Variants in DLC1 observed in about 807,000 individuals in gnomAD.
DLC1 encodes the protein rho GTPase-activating protein 7.
Under a neutral mutation model 140.3 loss-of-function variants are expected in DLC1, and 54 were observed. That is an observed-to-expected ratio of 0.38 (90% CI 0.31 to 0.48). The LOEUF is 0.48. DLC1 is among the 20% of genes least tolerant of loss of function. The probability of loss-of-function intolerance (pLI) is 0.96; values close to 1 mark genes in which losing one functional copy is unlikely to be tolerated. For synonymous variants in DLC1, 986 were observed against 728.1 expected (o/e 1.35, Z -5.70); for missense variants, 2,536 against 1,907.0 (o/e 1.33, Z -6.14).
intron 4 of DLC1, among the ~76,000 whole-genome samples, chr8:13,382,529 A>AAGAGAG (rs59311489): frequency 9.1e-6 from 1 of 109,432 alleles, no homozygotes; most frequent in Non-Finnish European, 1.8e-5. Context: ...AAAAAAAAAA[A>AAGAGAG]AAAGAAAGAG....
intron 2 of DLC1, among the ~76,000 whole-genome samples, chr8:13,414,181 G>C (rs1837939669): frequency 6.6e-6 from 1 of 151,962 alleles, no homozygotes; most frequent in South Asian, 2.1e-4. Flanking sequence ...GAATTATGAG[G>C]AATTAAAAAT....
At chr8:13,176,745 C>A (rs1390490533) in intron 5 of DLC1, among the ~76,000 whole-genome samples, 1 of 152,112 alleles carries the variant, frequency 6.6e-6, no homozygotes, top group Non-Finnish European at 1.5e-5. Flanking sequence ...ATGAAGGTAG[C>A]AGATAGAATT....
At chr8:13,461,476 C>G (rs1799655244) in intron 2 of DLC1, among the ~76,000 whole-genome samples, 1 of 152,142 alleles carries the variant, frequency 6.6e-6, no homozygotes, top group African/African-American at 2.4e-5. Context: ...AGGCCTCTGC[C>G]TTTAGGTGAT....
intron 2 of DLC1, among the ~76,000 whole-genome samples, chr8:13,461,227 A>C (rs1361803610): frequency 2.0e-5 from 3 of 152,252 alleles, no homozygotes; most frequent in African/African-American, 7.2e-5. Flanking sequence ...ATGACAGCAA[A>C]ATATGTGTAG....
At chr8:13,351,612 G>C (rs1417930255) in intron 4 of DLC1, among the ~76,000 whole-genome samples, 3 of 152,196 alleles carry the variant, frequency 2.0e-5, no homozygotes, top group African/African-American at 7.2e-5. Context: ...ACACATCCAT[G>C]TACATTGGTT....
chr8:13,448,487 C>CAAGTAGCT (rs1211008644), intron 2 of DLC1, among the ~76,000 whole-genome samples: 1 of 151,908 alleles, frequency 6.6e-6, no homozygotes, highest in African/African-American at 2.4e-5. Flanking sequence ...CTCAACCTCT[C>CAAGTAGCT]AAGTAGCTGG....
At chr8:13,364,763 A>G (rs67916705) in intron 4 of DLC1, among the ~76,000 whole-genome samples, 29,150 of 152,194 alleles carry the variant, frequency 0.19, 3,076 homozygotes, top group Non-Finnish European at 0.24. Context: ...TCAAAGACCA[A>G]TCAAAACCAA....
intron 5 of DLC1, among the ~76,000 whole-genome samples, chr8:13,181,295 G>T (rs896165866): frequency 6.7e-6 from 1 of 148,388 alleles, no homozygotes; most frequent in South Asian, 2.2e-4. Context: ...AATTGTCACT[G>T]TCTCAGGTGG....
At chr8:13,468,473 T>A (rs933476824) in intron 2 of DLC1, among the ~76,000 whole-genome samples, 1 of 150,870 alleles carries the variant, frequency 6.6e-6, no homozygotes, top group African/African-American at 2.4e-5. Context: ...CTTGAACACC[T>A]GGTCTCTAAC....
chr8:13,594,983 C>G (rs1185557295), intron 1 of DLC1, among the ~76,000 whole-genome samples: 2 of 150,160 alleles, frequency 1.3e-5, no homozygotes, highest in African/African-American at 4.9e-5. Flanking sequence ...TTGTGAATTT[C>G]TATATATTTC....
At position 13,381,327 on chromosome 8, in the gene DLC1, T is replaced by C. The variant is rs9693391; in HGVS notation, c.1314+12226A>G. Among the ~76,000 whole-genome samples the C allele has an allele frequency of 5.2e-3, 787 of 152,212 alleles. 6 individuals are homozygous for C. The highest frequency in any genetic ancestry group is 0.017 in the African/African-American group (724 of 41,512). On this transcript the variant is annotated intron_variant, in intron 4 of 17. Transcript: ENST00000276297. ...CTCTACAGGTTGTGGAAAAAGTAAC[T>C]GACCTGCAAAAAAGGAGGTGCAAAG...
intron 5 of DLC1, among the ~76,000 whole-genome samples, chr8:13,146,153 T>C (rs561170270): frequency 6.6e-6 from 1 of 151,994 alleles, no homozygotes; most frequent in Non-Finnish European, 1.5e-5. Context: ...TGTGTGCATG[T>C]AGTCCCAGCT....
intron 1 of DLC1, chr8:13,567,365 A>G (rs78491094): frequency 1.9e-5 from 29 of 1,551,722 alleles, no homozygotes; most frequent in Non-Finnish European, 2.5e-5. Flanking sequence ...CTGCAGTCTT[A>G]TTGCACCATG....
chr8:13,417,870 C>A (rs542120841), intron 2 of DLC1, among the ~76,000 whole-genome samples: 1 of 152,228 alleles, frequency 6.6e-6, no homozygotes, highest in South Asian at 2.1e-4. Context: ...TCTCCAGCAC[C>A]TGTTGTTTCC....
chr8:13,295,938 C>CTTTTTTTTTTTTTTTTTTTT (rs34697767), intron 5 of DLC1, among the ~76,000 whole-genome samples: 2 of 53,344 alleles, frequency 3.7e-5, no homozygotes, highest in Non-Finnish European at 3.7e-5. Context: ...AGATAAGATT[C>CTTTTTTTTTTTTTTTTTTTT]TTTGTTTTTT....
At chr8:13,128,450 C>G (rs1428781714) in intron 5 of DLC1, among the ~76,000 whole-genome samples, 1 of 152,146 alleles carries the variant, frequency 6.6e-6, no homozygotes, top group Non-Finnish European at 1.5e-5. Context: ...CCTACGCACA[C>G]AAGCCTCCCA....
At chr8:13,256,528 A>G (rs1830235747) in intron 5 of DLC1, among the ~76,000 whole-genome samples, 1 of 152,180 alleles carries the variant, frequency 6.6e-6, no homozygotes, top group Non-Finnish European at 1.5e-5. Context: ...ACACCATGGA[A>G]TATACTATGC....
rs375458187 is a variant in DLC1, at chr8:13,359,826, G to A, written c.1314+33727C>T. Among the ~76,000 whole-genome samples, 3 of 152,272 alleles carry A rather than the reference G, an allele frequency of 2.0e-5. No individual in the cohort carries two copies. In the East Asian group the frequency reaches 5.8e-4, roughly 29 times the overall value. On this transcript the variant is annotated intron_variant, in intron 4 of 17. Transcript: ENST00000276297. Reference sequence around the variant, plus strand: ...TAAAGTTAAGCGATGAGATGTGATTGTAACTTTGAACAGGTTGGAAGTTAT... The same window carrying A: ...TAAAGTTAAGCGATGAGATGTGATTATAACTTTGAACAGGTTGGAAGTTAT...
intron 2 of DLC1, among the ~76,000 whole-genome samples, chr8:13,491,057 T>C (rs1292694866): frequency 6.8e-6 from 1 of 147,586 alleles, no homozygotes; most frequent in Non-Finnish European, 1.5e-5. Context: ...ATATTCTGAG[T>C]GAGGGCAATT....
Sources: allele counts gnomAD v4.1 joint callset (sites outside exome capture counted in the v4.1 genomes callset), GRCh38; gene constraint gnomAD v4.1.1; transcripts MANE v1.5; gene names NCBI Gene and HGNC (gene_info 2026-07-23, HGNC 2026-07-21).